AXL: variants seen among roughly 807,000 people sequenced by gnomAD.
AXL encodes the protein AXL receptor tyrosine kinase.
AXL carries 52 observed loss-of-function variants against 104.5 expected under a neutral mutation model. The observed-to-expected ratio is 0.50, with a 90% CI of 0.40 to 0.63. The LOEUF is 0.63. Ranked by LOEUF, AXL falls within the 20% of genes least tolerant of loss-of-function variation. The pLI is 0.00. For missense variants in AXL, 1,024 were observed against 1,188.5 expected (o/e 0.86, Z 2.04); for synonymous variants, 455 against 473.7 (o/e 0.96, Z 0.51).
intron 12 of AXL, among the ~76,000 whole-genome samples, chr19:41,247,686 T>C (rs751083937): frequency 2.0e-5 from 3 of 151,426 alleles, no homozygotes; most frequent in Non-Finnish European, 4.4e-5. Flanking sequence ...TGGGCTCAAG[T>C]GATCCTCCAA....
intron 17 of AXL, 89 bp downstream of exon 17, chr19:41,253,797 C>A (rs2122281614): frequency 9.2e-7 from 1 of 1,089,162 alleles, no homozygotes; most frequent in Non-Finnish European, 1.4e-6. Flanking sequence ...GGAAGCAGGG[C>A]TAGACACCCG....
At chr19:41,221,103 G>C in intron 2 of AXL, 43 bp from the exon 3 acceptor site, 5 of 1,578,752 alleles carry the variant, frequency 3.2e-6, no homozygotes, top group Non-Finnish European at 4.3e-6. Flanking sequence ...CCAGTGTCCA[G>C]CTCTGACCCT....
At chr19:41,231,662 C>T (rs1258975166) in intron 6 of AXL, among the ~76,000 whole-genome samples, 2 of 152,254 alleles carry the variant, frequency 1.3e-5, no homozygotes, top group East Asian at 3.9e-4. Flanking sequence ...CGCGGTGGCT[C>T]ACACCTGTAA....
At chr19:41,226,818 G>C (rs2033890236) in intron 4 of AXL, 1 of 984,882 alleles carries the variant, frequency 1.0e-6, no homozygotes, top group Non-Finnish European at 1.2e-6. Flanking sequence ...CCAGGGCCGG[G>C]CACCGAGTGG....
chr19:41,222,008 CT>C lies in AXL; in HGVS notation c.539del (p.Leu180ArgfsTer18). 1 of 1,604,962 alleles carries C rather than the reference CT, an allele frequency of 6.2e-7. No individual in the cohort carries two copies. The highest frequency in any genetic ancestry group is 8.5e-7 in the Non-Finnish European group (1 of 1,176,586). ...DLLWLQDAVPLATAPGHGPQR... is the reference protein window; with the variant it reads ...DLLWLQDAVPXATAPGHGPQR... ...ACTCTGGCTCCAGGATGCTGTCCCC[CT>C]GGCCACGGCTCCAGGTCACGGCCCC... On this transcript the variant is annotated frameshift_variant, in exon 4 of 20. Transcript: ENST00000301178. LOFTEE classifies it high-confidence loss of function.
intron 2 of AXL, 96 bp downstream of exon 2, chr19:41,220,954 C>A: frequency 7.0e-7 from 1 of 1,431,012 alleles, no homozygotes; most frequent in Non-Finnish European, 9.6e-7. Context: ...CACTTGTCAG[C>A]CGTGCGGCTT....
chr19:41,237,544 A>G (rs2122232818), intron 6 of AXL, among the ~76,000 whole-genome samples: 1 of 152,160 alleles, frequency 6.6e-6, no homozygotes, highest in African/African-American at 2.4e-5. Context: ...TGCCCAGTCT[A>G]TTTGCGTTAT....
chr19:41,256,789 G>A (rs545807778), intron 18 of AXL, among the ~76,000 whole-genome samples, 178 bp downstream of exon 18: 3 of 148,072 alleles, frequency 2.0e-5, no homozygotes, highest in South Asian at 4.2e-4. Flanking sequence ...CTGAATAGTG[G>A]TGTGTACATG....
At chr19:41,253,731 C>A (rs200899438) in intron 17 of AXL, 23 bp downstream of exon 17, 263 of 1,534,930 alleles carry the variant, frequency 1.7e-4, no homozygotes, top group Non-Finnish European at 2.2e-4. Flanking sequence ...CAGGGACCCC[C>A]CCCCCCCAAC....
intron 19 of AXL, 47 bp downstream of exon 19, chr19:41,257,676 C>T (rs765403140): frequency 1.2e-6 from 2 of 1,611,186 alleles, no homozygotes; most frequent in Non-Finnish European, 1.7e-6. Flanking sequence ...TTCCAAACCC[C>T]TGACTACCCC....
intron 13 of AXL, 23 bp downstream of exon 13, chr19:41,248,632 C>T (rs111672370): frequency 0.015 from 24,411 of 1,613,144 alleles, 265 homozygotes; most frequent in Middle Eastern, 0.056. Context: ...GCAGCATACA[C>T]ACATCCTTCT....
rs182682549 is a variant in AXL at position 41,222,884 on chromosome 19, C to A, written c.586+828C>A. On this transcript the variant is annotated intron_variant, in intron 4 of 19. Coordinates refer to ENST00000301178, the MANE Select transcript of AXL (RefSeq NM_021913.5). ...TTGCGCCACTGCACTCCAGCCTGGG[C>A]GACAGGGCGAGACTCCATCTCAAAA... 6.0e-4 allele frequency among the ~76,000 whole-genome samples: 80 copies of A among 134,118 alleles called. 1 individual carries two copies. In the East Asian group the frequency reaches 0.015, roughly 24 times the overall value. 88.0% of individuals were successfully genotyped at this position (134,118 alleles called of 152,430 possible).
rs148074357 is a variant in AXL at position 41,221,905 on chromosome 19, C to T, written c.435C>T (p.Pro145=). 739 of 1,613,616 alleles carry T rather than the reference C, an allele frequency of 4.6e-4. 8 individuals are homozygous for T. In the African/African-American group the frequency reaches 8.6e-3, roughly 19 times the overall value. ...GCTTGCCTTACTTCCTGGAGGAGCC[C>T]GAAGACAGGACTGTGGCCGCCAACA... ...LEGLPYFLEE[P]EDRTVAANTP... is the part of the protein sequence containing the mutation. Residue 145 remains proline, a synonymous_variant, in exon 4 of 20, where the codon CCC becomes CCT. Transcript: ENST00000301178.
rs1176757863 is a variant in AXL at position 41,239,308 on chromosome 19, C to T, written c.1279C>T (p.Arg427Cys). Residue 427 changes from arginine (R) to cysteine (C), a missense_variant, in exon 9 of 20, where the codon CGC becomes TGC. Around this residue, in one of 5 missense-constraint regions of AXL, gnomAD observed 523 missense variants for 636.0 expected, o/e 0.82. Transcript: ENST00000301178. ...WSLPVPLEAW[R>C]PGQAQPVHQL... ...CCTCCCAGTACCCCTGGAGGCCTGGCGCCCAGGTAAGTCCAAAGCCATGCC... is the reference window on the plus strand; with the variant it reads ...CCTCCCAGTACCCCTGGAGGCCTGGTGCCCAGGTAAGTCCAAAGCCATGCC... The T allele has an allele frequency of 3.2e-6, 5 of 1,574,548 alleles. No homozygotes were observed. Among genetic ancestry groups the T allele is most frequent in the East Asian group, 2.2e-5 (1 of 44,702 alleles).
At chr19:41,236,238 CAGA>C (rs146750878) in intron 6 of AXL, among the ~76,000 whole-genome samples, 1,550 of 150,058 alleles carry the variant, frequency 0.01, 37 homozygotes, top group African/African-American at 0.036. Context: ...GAGGCTGAAG[CAGA>C]AGAATTACTT....
chr19:41,221,896 G>T lies in AXL; in HGVS notation c.426G>T (p.Leu142=), dbSNP rs1461248500. 9.9e-6 allele frequency: 16 copies of T among 1,613,708 alleles called. No individual in the cohort carries two copies. Among genetic ancestry groups the T allele is most frequent in the Non-Finnish European group, 1.4e-5 (16 of 1,179,878 alleles). The change falls in exon 4 of 20, where the codon CTG becomes CTT. Residue 142 remains leucine (L), a synonymous_variant. Coordinates refer to ENST00000301178, the MANE Select transcript of AXL (RefSeq NM_021913.5). ...YVGLEGLPYF[L]EEPEDRTVAA... is the part of the protein sequence containing the mutation. ...CCCCGCTAGGCTTGCCTTACTTCCT[G>T]GAGGAGCCCGAAGACAGGACTGTGG...
chr19:41,228,868 C>T (rs984200513), intron 4 of AXL, among the ~76,000 whole-genome samples: 24 of 152,018 alleles, frequency 1.6e-4, no homozygotes, highest in African/African-American at 2.4e-4. Flanking sequence ...AAAAGTAAAG[C>T]GGGAAGGGGA....
Position 41,231,221 on chromosome 19 carries a change from C to T in AXL, c.706C>T (p.Arg236Cys), listed in dbSNP as rs759570308. The T allele has an allele frequency of 5.0e-6, 8 of 1,613,812 alleles. No individual in the cohort carries two copies. Among genetic ancestry groups the T allele is most frequent in the Admixed American group, 3.3e-5 (2 of 59,980 alleles). ...GCCCCGTAACCTCCACCTGGTCTCC[C>T]GCCAACCCACGGAGCTGGAGGTGGC... ...QQPRNLHLVS[R>C]QPTELEVAWT... The change falls in exon 6 of 20, where the codon CGC becomes TGC. Residue 236 changes from arginine to cysteine, a missense_variant. Physicochemically the swap from Arg to Cys is radical, Grantham distance 180 (BLOSUM62 -3). This residue lies in a region of AXL where 332 missense variants were observed against 343.9 expected (regional missense o/e 0.97). Transcript: ENST00000301178.
At position 41,253,972 on chromosome 19, in the gene AXL, G is replaced by T. The variant is rs375346999; in HGVS notation, c.2036+264G>T. On this transcript the variant is annotated intron_variant, in intron 17 of 19. Transcript: ENST00000301178. ...TGCACAGCATGAGGTGAGCAAAGGG[G>T]CTGAGGTGACCGATGGGGGTGGGGA... Among the ~76,000 whole-genome samples the T allele has an allele frequency of 6.1e-4, 92 of 152,064 alleles. No homozygotes were observed. In the South Asian group the frequency reaches 9.6e-3, roughly 16 times the overall value.
Sources: allele counts gnomAD v4.1 joint callset (sites outside exome capture counted in the v4.1 genomes callset), GRCh38; gene constraint gnomAD v4.1.1; regional missense constraint gnomAD v4.1.1; transcripts MANE v1.5; gene names NCBI Gene and HGNC (gene_info 2026-07-23, HGNC 2026-07-21).